Variants in APBA2 observed in about 807,000 individuals in gnomAD.
The protein encoded by APBA2 is amyloid-beta A4 precursor protein-binding family A member 2.
In APBA2, 30 loss-of-function variants were observed where a neutral mutation model predicts 75.0. The ratio of observed to expected loss-of-function variants is 0.40; its 90% CI spans 0.30 to 0.54. The LOEUF is 0.54. Ranked by LOEUF, APBA2 falls within the 20% of genes least tolerant of loss-of-function variation. The pLI is 0.49. For missense variants in APBA2, 801 were observed against 1,016.1 expected, an observed-to-expected ratio of 0.79 and a Z score of 2.88; for synonymous variants, 444 against 409.6, an observed-to-expected ratio of 1.08 and a Z score of -1.01.
At chr15:29,024,379 G>A (rs987250529) in intron 3 of APBA2, among the ~76,000 whole-genome samples, 1 of 152,214 alleles carries the variant, frequency 6.6e-6, no homozygotes, top group Admixed American at 6.5e-5. Context: ...ACACTCTCCA[G>A]TTGTTACCAG....
In APBA2 at chr15:28,926,855, C is replaced by CTT. The variant is rs201502989; in HGVS notation, c.-95+5107_-95+5108insTT. On this transcript the variant is annotated intron_variant, in intron 2 of 14. Coordinates refer to ENST00000683413, the MANE Select transcript of APBA2 (RefSeq NM_001353788.2). The stretch of plus-strand genomic sequence containing the variant: ...GGATTTCACTCCACTCTCTCTCTCT[C>CTT]TCTTTTTTTTTTTTTTTTTGAGACA... Among the ~76,000 whole-genome samples, 176 of 136,486 alleles carry CTT rather than the reference C, an allele frequency of 1.3e-3. 3 individuals carry two copies. The highest frequency in any genetic ancestry group is 8.0e-3 in the South Asian group (34 of 4,254). 89.5% of individuals were successfully genotyped at this position (136,486 alleles called of 152,430 possible).
At chr15:28,904,017 A>G (rs1300805069) in intron 1 of APBA2, among the ~76,000 whole-genome samples, 5 of 152,238 alleles carry the variant, frequency 3.3e-5, no homozygotes, top group African/African-American at 1.2e-4. Flanking sequence ...AAGTGATCCA[A>G]TATAGGCAAC....
At chr15:28,934,311 T>A (rs537931421) in intron 2 of APBA2, among the ~76,000 whole-genome samples, 16 of 152,246 alleles carry the variant, frequency 1.1e-4, no homozygotes, top group African/African-American at 3.6e-4. Context: ...TGGACTCCTG[T>A]CTGCAGGTGA....
At chr15:28,988,990 C>T (rs761180269) in intron 2 of APBA2, among the ~76,000 whole-genome samples, 6 of 152,174 alleles carry the variant, frequency 3.9e-5, no homozygotes, top group Non-Finnish European at 7.3e-5. Context: ...TTGTCTAATG[C>T]GTGAAAGTGC....
chr15:28,901,099 C>G (rs2032823569), intron 1 of APBA2, among the ~76,000 whole-genome samples: 1 of 152,106 alleles, frequency 6.6e-6, no homozygotes, highest in Non-Finnish European at 1.5e-5. Context: ...CAGGGATGTG[C>G]GTGAAGCAAG....
At chr15:28,985,929 G>T (rs2037900511) in intron 2 of APBA2, among the ~76,000 whole-genome samples, 1 of 152,178 alleles carries the variant, frequency 6.6e-6, no homozygotes, top group Non-Finnish European at 1.5e-5. Context: ...AGGAGCGGCG[G>T]AGCAGGTGGC....
At chr15:29,098,845 G>T (rs556104737) in intron 9 of APBA2, among the ~76,000 whole-genome samples, 1 of 152,258 alleles carries the variant, frequency 6.6e-6, no homozygotes, top group South Asian at 2.1e-4. Context: ...CCACTCCCGG[G>T]TAGCCTGACC....
At chr15:29,014,534 T>C (rs2039560606) in intron 3 of APBA2, among the ~76,000 whole-genome samples, 1 of 152,174 alleles carries the variant, frequency 6.6e-6, no homozygotes, top group Non-Finnish European at 1.5e-5. Context: ...ATGCAGTTTC[T>C]CTATTGGACT....
At chr15:29,028,299 A>G (rs1296342940) in intron 3 of APBA2, among the ~76,000 whole-genome samples, 2 of 152,136 alleles carry the variant, frequency 1.3e-5, no homozygotes, top group Non-Finnish European at 2.9e-5. Context: ...AATGGCTTCC[A>G]GTTCCATCCA....
In APBA2 at chr15:29,081,967, G is replaced by T. The variant is rs551523014; in HGVS notation, c.1069+5876G>T. Among the ~76,000 whole-genome samples the T allele has an allele frequency of 7.2e-5, 11 of 152,344 alleles. No individual in the cohort carries two copies. In the East Asian group the frequency reaches 2.1e-3, roughly 29 times the overall value. The stretch of plus-strand genomic sequence containing the variant: ...GACACGGGCAGAATGCCTTCCCAAG[G>T]GGGGACAGCGTACGCTGCTGTTGGT... On this transcript the variant is annotated intron_variant, in intron 6 of 14. Transcript: ENST00000683413.
intron 2 of APBA2, among the ~76,000 whole-genome samples, chr15:28,975,166 T>C (rs928135110): frequency 6.6e-6 from 1 of 152,168 alleles, no homozygotes; most frequent in Non-Finnish European, 1.5e-5. Context: ...TAGGAAAATA[T>C]AATTTATTCA....
rs557647808 is a variant in APBA2, at chr15:29,025,991, G to A, written c.-40-27854G>A. Among the ~76,000 whole-genome samples the A allele has an allele frequency of 6.6e-5, 10 of 151,602 alleles. No individual in the cohort carries two copies. The East Asian group carries it at 1.4e-3, about 21-fold the overall frequency. Reference sequence around the variant, plus strand: ...GAAAAGAAATGGCCCAGAGATGGCGGGCTGGATAACATATCGGCCTTCCTG... The same window carrying A: ...GAAAAGAAATGGCCCAGAGATGGCGAGCTGGATAACATATCGGCCTTCCTG... On this transcript the variant is annotated intron_variant, in intron 3 of 14. Transcript: ENST00000683413.
At chr15:28,998,551 A>G (rs543771301) in intron 3 of APBA2, among the ~76,000 whole-genome samples, 1 of 152,212 alleles carries the variant, frequency 6.6e-6, no homozygotes, top group Admixed American at 6.5e-5. Context: ...ATGAAGAGAA[A>G]ACACAAAGCC....
intron 2 of APBA2, among the ~76,000 whole-genome samples, chr15:28,939,633 A>C (rs2035075790): frequency 6.6e-6 from 1 of 152,156 alleles, no homozygotes; most frequent in African/African-American, 2.4e-5. Flanking sequence ...TTCTGGCCTC[A>C]CGAGACGTCT....
intron 1 of APBA2, among the ~76,000 whole-genome samples, chr15:28,919,653 C>G (rs963076276): frequency 6.6e-6 from 1 of 152,132 alleles, no homozygotes; most frequent in African/African-American, 2.4e-5. Flanking sequence ...ATCAGCACAC[C>G]CTGCAGCGGG....
intron 3 of APBA2, among the ~76,000 whole-genome samples, chr15:29,014,388 T>G (rs2039554863): frequency 6.6e-6 from 1 of 152,256 alleles, no homozygotes; most frequent in African/African-American, 2.4e-5. Context: ...TTTATAGCTC[T>G]AATAATTACC....
chr15:28,981,279 A>G (rs531010409), intron 2 of APBA2, among the ~76,000 whole-genome samples: 12 of 152,304 alleles, frequency 7.9e-5, no homozygotes, highest in Admixed American at 5.9e-4. Flanking sequence ...TAATATCACA[A>G]CTCTACAAGG....
intron 3 of APBA2, among the ~76,000 whole-genome samples, chr15:28,997,286 C>T (rs1181007716): frequency 6.6e-6 from 1 of 152,188 alleles, no homozygotes; most frequent in Non-Finnish European, 1.5e-5. Flanking sequence ...CGTAGAAGAG[C>T]TGCGTGATTA....
chr15:29,071,950 A>G (rs1254974136), intron 4 of APBA2, among the ~76,000 whole-genome samples: 3 of 151,980 alleles, frequency 2.0e-5, no homozygotes, highest in Non-Finnish European at 4.4e-5. Context: ...GGGTGCAGCC[A>G]TCAGTCTGTG....
Sources: gnomAD v4.1 joint callset for allele counts (sites outside exome capture counted in the v4.1 genomes callset) on GRCh38, gnomAD v4.1.1 for gene constraint, MANE v1.5 for transcripts, NCBI Gene and HGNC (gene_info 2026-07-23, HGNC 2026-07-21) for gene names.